FHIT: variants seen among roughly 807,000 people sequenced by gnomAD.
FHIT encodes the protein fragile histidine triad diadenosine triphosphatase.
Under a neutral mutation model 17.9 loss-of-function variants are expected in FHIT, and 19 were observed. The ratio of observed to expected loss-of-function variants is 1.06; its 90% CI spans 0.74 to 1.56. The LOEUF (loss-of-function observed/expected upper bound fraction) is 1.56, where lower values mean the gene tolerates loss of function less well. FHIT is among the 40% of genes most tolerant of loss of function. FHIT has a pLI of 0.00. For synonymous variants in FHIT, 81 were observed against 69.7 expected (o/e 1.16, Z -0.81); for missense variants, 248 against 189.2 (o/e 1.31, Z -1.82).
intron 7 of FHIT, among the ~76,000 whole-genome samples, chr3:59,942,828 T>C (rs62238353): frequency 0.08 from 12,234 of 152,058 alleles, 705 homozygotes; most frequent in South Asian, 0.13. Context: ...TTTAAATTAT[T>C]TGTACAGACA....
Position 61,072,020 on chromosome 3 carries a change from C to T in FHIT, c.-163-29921G>A, listed in dbSNP as rs2106742752. ...TAGATAGTCCCACCCCTCATGCCCC[C>T]TCATTTGGTCTCTTCCAAGATCCAG... On this transcript the variant is annotated intron_variant, in intron 2 of 9. Coordinates refer to ENST00000492590, the MANE Select transcript of FHIT (RefSeq NM_002012.4). 1.3e-5 allele frequency among the ~76,000 whole-genome samples: 2 copies of T among 152,312 alleles called. 1 individual carries two copies. The highest frequency in any genetic ancestry group is 4.1e-4 in the South Asian group (2 of 4,828).
intron 3 of FHIT, among the ~76,000 whole-genome samples, chr3:60,908,566 T>C (rs1488169740): frequency 2.0e-5 from 3 of 150,464 alleles, no homozygotes; most frequent in African/African-American, 7.4e-5. Context: ...AATGGAAAAA[T>C]AGACACAAAA....
intron 7 of FHIT, among the ~76,000 whole-genome samples, chr3:59,979,119 A>G (rs1708539561): frequency 6.6e-6 from 1 of 152,136 alleles, no homozygotes; most frequent in South Asian, 2.1e-4. Context: ...GACTGTTTTA[A>G]CATGTGTGCC....
At chr3:60,297,693 G>C (rs13324247) in intron 5 of FHIT, among the ~76,000 whole-genome samples, 46,053 of 151,944 alleles carry the variant, frequency 0.3, 8,034 homozygotes, top group East Asian at 0.78. Flanking sequence ...CAGAACTTGC[G>C]TAGGGGGCAT....
At chr3:60,017,633 C>G (rs1388535443) in intron 5 of FHIT, among the ~76,000 whole-genome samples, 1 of 152,182 alleles carries the variant, frequency 6.6e-6, no homozygotes, top group Non-Finnish European at 1.5e-5. Flanking sequence ...CTTGGCAATC[C>G]TTTCTTTTTG....
At chr3:60,317,864 C>T (rs964105013) in intron 5 of FHIT, among the ~76,000 whole-genome samples, 1 of 151,006 alleles carries the variant, frequency 6.6e-6, no homozygotes, top group African/African-American at 2.4e-5. Flanking sequence ...AGTCTTTGCT[C>T]ACTGCAACCT....
At chr3:59,852,533 C>G (rs1225205174) in intron 8 of FHIT, among the ~76,000 whole-genome samples, 1 of 152,126 alleles carries the variant, frequency 6.6e-6, no homozygotes, top group Admixed American at 6.5e-5. Context: ...ACATATCACC[C>G]AAAGTCCATA....
intron 5 of FHIT, among the ~76,000 whole-genome samples, chr3:60,346,893 A>G (rs1710807900): frequency 6.6e-6 from 1 of 152,208 alleles, no homozygotes. Context: ...TTTATGTTTT[A>G]AAATAGATTT....
intron 3 of FHIT, among the ~76,000 whole-genome samples, chr3:60,859,396 T>C (rs565262274): frequency 1.3e-4 from 20 of 152,246 alleles, no homozygotes; most frequent in African/African-American, 4.6e-4. Flanking sequence ...GCAGAGATTA[T>C]TAGTATTCAC....
intron 3 of FHIT, among the ~76,000 whole-genome samples, chr3:60,866,973 T>C (rs983279823): frequency 3.3e-5 from 5 of 152,160 alleles, no homozygotes; most frequent in African/African-American, 1.2e-4. Context: ...TGCCTCCTTT[T>C]CTTTTCCTCC....
At chr3:61,242,618 C>T (rs180818240) in intron 1 of FHIT, among the ~76,000 whole-genome samples, 3 of 152,260 alleles carry the variant, frequency 2.0e-5, no homozygotes, top group Admixed American at 1.3e-4. Context: ...CATGCAGAGC[C>T]GGCTGAACAG....
intron 5 of FHIT, among the ~76,000 whole-genome samples, chr3:60,300,712 C>A (rs1435847580): frequency 6.6e-6 from 1 of 152,098 alleles, no homozygotes; most frequent in East Asian, 1.9e-4. Context: ...CAGTTGTTTC[C>A]AGTTTGTCCT....
At chr3:61,034,785 A>G (rs2033164352) in intron 3 of FHIT, among the ~76,000 whole-genome samples, 1 of 152,184 alleles carries the variant, frequency 6.6e-6, no homozygotes, top group Non-Finnish European at 1.5e-5. Context: ...TGGTAGGTAT[A>G]TATCCAAAAG....
rs145017215 is a variant in FHIT, at chr3:61,033,210, A to G, written c.-111+8837T>C. On this transcript the variant is annotated intron_variant, in intron 3 of 9. Transcript: ENST00000492590. The stretch of plus-strand genomic sequence containing the variant: ...GCCCAGTCAAGTTGACACAAAATTA[A>G]CCATCACTTGTGTCCTGCCACGTAT... Among the ~76,000 whole-genome samples, 1,482 of 152,254 alleles carry G rather than the reference A, an allele frequency of 9.7e-3. 27 individuals are homozygous for G. The highest frequency in any genetic ancestry group is 0.033 in the African/African-American group (1,363 of 41,546).
intron 5 of FHIT, among the ~76,000 whole-genome samples, chr3:60,122,686 T>G (rs4679637): frequency 0.72 from 109,618 of 151,982 alleles, 39,800 homozygotes; most frequent in South Asian, 0.81. Context: ...CTAGAAACTT[T>G]GGCTGGGGAG....
intron 5 of FHIT, among the ~76,000 whole-genome samples, chr3:60,143,570 T>C (rs1019897177): frequency 8.5e-5 from 13 of 152,066 alleles, no homozygotes; most frequent in African/African-American, 3.1e-4. Context: ...CAAAAATAAA[T>C]GATTATTGTT....
intron 3 of FHIT, among the ~76,000 whole-genome samples, chr3:60,873,656 AC>A (rs2043026900): frequency 6.6e-6 from 1 of 152,186 alleles, no homozygotes; most frequent in Non-Finnish European, 1.5e-5. Flanking sequence ...ATTCACACTG[AC>A]TGACTCCACA....
chr3:60,318,676 C>A (rs140717925), intron 5 of FHIT, among the ~76,000 whole-genome samples: 124 of 152,312 alleles, frequency 8.1e-4, no homozygotes, highest in African/African-American at 2.8e-3. Context: ...AGTTTGACTT[C>A]AATACTCATT....
intron 5 of FHIT, among the ~76,000 whole-genome samples, chr3:60,109,520 C>G (rs1038668650): frequency 5.3e-5 from 8 of 152,044 alleles, no homozygotes; most frequent in Non-Finnish European, 7.4e-5. Flanking sequence ...GAATCACAAC[C>G]CTTAGGGTTT....
Sources: allele counts gnomAD v4.1 joint callset (sites outside exome capture counted in the v4.1 genomes callset), GRCh38; gene constraint gnomAD v4.1.1; transcripts MANE v1.5; gene names NCBI Gene and HGNC (gene_info 2026-07-23, HGNC 2026-07-21).